Variants in CD58 observed in about 807,000 individuals in gnomAD.
The protein encoded by CD58 is lymphocyte function-associated antigen 3.
A neutral mutation model predicts 27.6 loss-of-function variants in CD58; 14 were observed. The ratio of observed to expected loss-of-function variants is 0.51; its 90% confidence interval spans 0.34 to 0.79. The LOEUF (loss-of-function observed/expected upper bound fraction) is 0.79. Among genes scored for constraint, CD58 ranks in the 30% least tolerant of loss-of-function variants. The pLI is 0.02. For missense variants in CD58, 268 were observed against 301.7 expected, an observed-to-expected ratio of 0.89 and a Z score of 0.83; for synonymous variants, 117 against 103.8, an observed-to-expected ratio of 1.13 and a Z score of -0.77.
At position 116,522,834 on chromosome 1, in the gene CD58, G is replaced by A. The variant is rs1221858406; in HGVS notation, c.629-851C>T. Among the ~76,000 whole-genome samples the A allele has an allele frequency of 6.6e-6, 1 of 151,722 alleles. No homozygotes were observed. Among genetic ancestry groups the A allele is most frequent in the Non-Finnish European group, 1.5e-5 (1 of 68,006 alleles). On this transcript the variant is annotated intron_variant, in intron 3 of 5. Coordinates refer to ENST00000369489, the MANE Select transcript of CD58 (RefSeq NM_001779.3). This position sits in a 1 kb window ranked among gnomAD's most constrained non-coding sequence, Gnocchi z 4.6. Reference sequence around the variant, plus strand: ...CAATTCTGGCAGTTGTATATAATAAGCCTTAAAAATATTTATCATGAAGCA... The same window carrying A: ...CAATTCTGGCAGTTGTATATAATAAACCTTAAAAATATTTATCATGAAGCA...
Position 116,527,715 on chromosome 1 carries a change from C to T in CD58, c.629-5732G>A, listed in dbSNP as rs1657472713. Among the ~76,000 whole-genome samples the T allele has an allele frequency of 6.6e-6, 1 of 152,198 alleles. No individual in the cohort carries two copies. The highest frequency in any genetic ancestry group is 2.1e-4 in the South Asian group (1 of 4,834). ...AATGAATTGGAAAGTATGCCCTCTG[C>T]TTCTATCTTCTAAAAGAGATTATAG... On this transcript the variant is annotated intron_variant, in intron 3 of 5. Coordinates refer to ENST00000369489, the MANE Select transcript of CD58 (RefSeq NM_001779.3). The surrounding 1 kb of genome is among the most constrained non-coding windows in gnomAD (Gnocchi z 4.4).
In CD58 at chr1:116,522,130, C is replaced by T. The variant is rs143643321; in HGVS notation, c.629-147G>A. ...AATACCCAAAGCAGTCATTCTCAGA[C>T]ATAAGAACAGTGATGAAAACTTTGA... is the stretch of plus-strand genomic sequence containing the variant. On this transcript the variant is annotated intron_variant, in intron 3 of 5. Coordinates refer to ENST00000369489, the MANE Select transcript of CD58 (RefSeq NM_001779.3). The surrounding 1 kb of genome is among the most constrained non-coding windows in gnomAD (Gnocchi z 4.6). 2,938 of 565,162 alleles carry T rather than the reference C, an allele frequency of 5.2e-3. 11 individuals are homozygous for T. The highest frequency in any genetic ancestry group is 7.9e-3 in the Non-Finnish European group (2,448 of 309,104). The allele number at this position is 565,162 out of a possible 1,614,324, so 35.0% of individuals were successfully genotyped here.
At chr1:116,514,884 AG>A (rs1657027215) in intron 5 of CD58, 62 bp from the exon 6 acceptor site, 2 of 1,163,930 alleles carry the variant, frequency 1.7e-6, no homozygotes, top group Admixed American at 3.9e-5. Context: ...GCAGACCAGG[AG>A]TCTTAATTAC....
At chr1:116,530,209 C>CTTT (rs113109056) in intron 3 of CD58, among the ~76,000 whole-genome samples, 1 of 143,426 alleles carries the variant, frequency 7.0e-6, no homozygotes, top group African/African-American at 2.5e-5. Flanking sequence ...TCTCCTCATT[C>CTTT]TTTTTTTTTT....
chr1:116,535,843 A>C (rs964314697), intron 3 of CD58, 122 bp downstream of exon 3: 24 of 352,082 alleles, frequency 6.8e-5, no homozygotes, highest in Non-Finnish European at 1.0e-4. Context: ...TCTGTCTCAA[A>C]AAAAAAAAAA....
rs552776850 is a variant in CD58 at position 116,528,281 on chromosome 1, CCTT to C, written c.629-6301_629-6299del. On this transcript the variant is annotated intron_variant, in intron 3 of 5. Transcript: ENST00000369489. The surrounding 1 kb of genome is among the most constrained non-coding windows in gnomAD (Gnocchi z 4.4). ...ATTATTTCCTATGTTGCATTTCTTT[CCTT>C]CTTCTCCTTTTTCCTATTTCCGCAT... 1.3e-5 allele frequency among the ~76,000 whole-genome samples: 2 copies of C among 152,204 alleles called. No individual in the cohort carries two copies. Among genetic ancestry groups the C allele is most frequent in the South Asian group, 2.1e-4 (1 of 4,822 alleles).
chr1:116,539,069 G>T (rs1657906899), intron 2 of CD58, among the ~76,000 whole-genome samples: 1 of 152,146 alleles, frequency 6.6e-6, no homozygotes, highest in African/African-American at 2.4e-5. Flanking sequence ...GACACAAATA[G>T]TACTTACTCT....
chr1:116,561,976 A>G (rs1016009224), intron 1 of CD58, among the ~76,000 whole-genome samples: 4 of 152,232 alleles, frequency 2.6e-5, no homozygotes, highest in Admixed American at 2.6e-4. Context: ...TAGTTTTCCT[A>G]TAGGAACACA....
chr1:116,525,556 C>T (rs1657402167), intron 3 of CD58, among the ~76,000 whole-genome samples: 1 of 152,182 alleles, frequency 6.6e-6, no homozygotes, highest in Non-Finnish European at 1.5e-5. Flanking sequence ...TAGCAAGAAG[C>T]ATGACAGTTG....
rs565284037 is a variant in CD58 at position 116,535,610 on chromosome 1, G to A, written c.628+355C>T. Among the ~76,000 whole-genome samples, 2 of 98,390 alleles carry A rather than the reference G, an allele frequency of 2.0e-5. 1 individual carries two copies. The highest frequency in any genetic ancestry group is 9.9e-4 in the South Asian group (2 of 2,026). 64.5% of individuals were successfully genotyped at this position (98,390 alleles called of 152,430 possible). On this transcript the variant is annotated intron_variant, in intron 3 of 5. Coordinates refer to ENST00000369489, the MANE Select transcript of CD58 (RefSeq NM_001779.3). ...TAATCCCAGCACTTTGGGAGGCCGA[G>A]GCGGGCGGATCACGAGGTCAGGAGA...
At chr1:116,553,293 T>G (rs531402702) in intron 1 of CD58, among the ~76,000 whole-genome samples, 1 of 152,298 alleles carries the variant, frequency 6.6e-6, no homozygotes, top group South Asian at 2.1e-4. Flanking sequence ...AAAGTTTCTA[T>G]ATTTTTACAT....
At chr1:116,545,007 CAGTT>C (rs1658117035) in intron 1 of CD58, among the ~76,000 whole-genome samples, 1 of 152,096 alleles carries the variant, frequency 6.6e-6, no homozygotes, top group Non-Finnish European at 1.5e-5. Flanking sequence ...GGATAAAAGG[CAGTT>C]AGGCCGCAGG....
intron 1 of CD58, among the ~76,000 whole-genome samples, chr1:116,566,778 G>A (rs1263382278): frequency 6.6e-6 from 1 of 152,096 alleles, no homozygotes; most frequent in Non-Finnish European, 1.5e-5. Context: ...AAGAAAAAAA[G>A]GGAGGATGTG....
rs553807162 is a variant in CD58, at chr1:116,527,858, G to C, written c.629-5875C>G. Among the ~76,000 whole-genome samples the C allele has an allele frequency of 1.6e-3, 251 of 152,256 alleles. No individual in the cohort carries two copies. The highest frequency in any genetic ancestry group is 5.8e-3 in the African/African-American group (242 of 41,534). ...TGATCTGATTTATTTAAACTGCCAG[G>C]CTGAAGTGATCCTCCCACCTCAGTC... On this transcript the variant is annotated intron_variant, in intron 3 of 5. Transcript: ENST00000369489. The surrounding 1 kb of genome is among the most constrained non-coding windows in gnomAD (Gnocchi z 4.4).
intron 1 of CD58, among the ~76,000 whole-genome samples, chr1:116,566,706 T>C (rs1658946645): frequency 6.6e-6 from 1 of 152,106 alleles, no homozygotes; most frequent in South Asian, 2.1e-4. Flanking sequence ...AGCATCAAAA[T>C]GGATGACAGG....
rs185977120 is a variant in CD58 at position 116,548,982 on chromosome 1, C to G, written c.71-4378G>C. Reference sequence around the variant, plus strand: ...AGGCATATCACCTTGCTCCATGTCTCTCAGCAAGTTTATGGCGGCACAATG... The same window carrying G: ...AGGCATATCACCTTGCTCCATGTCTGTCAGCAAGTTTATGGCGGCACAATG... On this transcript the variant is annotated intron_variant, in intron 1 of 5. Coordinates refer to ENST00000369489, the MANE Select transcript of CD58 (RefSeq NM_001779.3). 5.3e-5 allele frequency among the ~76,000 whole-genome samples: 8 copies of G among 152,300 alleles called. No homozygotes were observed. In the East Asian group the frequency reaches 1.3e-3, roughly 26 times the overall value.
rs1012150057 is a variant in CD58 at position 116,550,435 on chromosome 1, C to A, written c.71-5831G>T. Reference sequence around the variant, plus strand: ...ATCTGAAGAAACCACTTTCTTTGCTCATCCATAAGAAGCAACTCCTCATTG... The same window carrying A: ...ATCTGAAGAAACCACTTTCTTTGCTAATCCATAAGAAGCAACTCCTCATTG... On this transcript the variant is annotated intron_variant, in intron 1 of 5. Transcript: ENST00000369489. This position sits in a 1 kb window ranked among gnomAD's most constrained non-coding sequence, Gnocchi z 4.2. Among the ~76,000 whole-genome samples the A allele has an allele frequency of 6.6e-6, 1 of 151,872 alleles. No individual in the cohort carries two copies. Among genetic ancestry groups the A allele is most frequent in the Non-Finnish European group, 1.5e-5 (1 of 68,036 alleles).
At chr1:116,551,148 T>A (rs1468315480) in intron 1 of CD58, among the ~76,000 whole-genome samples, 1 of 152,174 alleles carries the variant, frequency 6.6e-6, no homozygotes, top group African/African-American at 2.4e-5. Flanking sequence ...CAACTTAAAG[T>A]CATCAGCTGC....
chr1:116,565,264 A>G (rs1033543987), intron 1 of CD58, among the ~76,000 whole-genome samples: 22 of 152,256 alleles, frequency 1.4e-4, no homozygotes, highest in African/African-American at 5.3e-4. Context: ...CTTTATCTAC[A>G]GGATCCAACC....
Sources: gnomAD v4.1 joint callset for allele counts (sites outside exome capture counted in the v4.1 genomes callset) on GRCh38, gnomAD v4.1.1 for gene constraint, Gnocchi (gnomAD v3.1) non-coding constraint, MANE v1.5 for transcripts, NCBI Gene and HGNC (gene_info 2026-07-23, HGNC 2026-07-21) for gene names.